Variants in TM2D1 observed in about 807,000 individuals in gnomAD.
The protein encoded by TM2D1 is TM2 domain-containing protein 1.
Under a neutral mutation model 28.4 loss-of-function variants are expected in TM2D1, and 15 were observed. That is an observed-to-expected ratio of 0.53 (90% CI 0.35 to 0.81). The LOEUF (loss-of-function observed/expected upper bound fraction) is 0.81. Ranked by LOEUF, TM2D1 falls within the 40% of genes least tolerant of loss-of-function variation. The pLI is 0.01. For missense variants in TM2D1, 236 were observed against 254.9 expected, an observed-to-expected ratio of 0.93 and a Z score of 0.50; for synonymous variants, 93 against 96.2, an observed-to-expected ratio of 0.97 and a Z score of 0.20.
At chr1:61,683,011 T>G (rs1049086451) in intron 6 of TM2D1, among the ~76,000 whole-genome samples, 1 of 152,156 alleles carries the variant, frequency 6.6e-6, no homozygotes, top group African/African-American at 2.4e-5. Context: ...TTGGACTCTT[T>G]CAGTATCTAT....
intron 2 of TM2D1, among the ~76,000 whole-genome samples, chr1:61,713,213 C>T (rs924719142): frequency 6.6e-6 from 1 of 151,812 alleles, no homozygotes; most frequent in African/African-American, 2.4e-5. Flanking sequence ...TGCAGCGGCT[C>T]ATGCCTGTAA....
At chr1:61,694,545 A>G (rs1644350663) in intron 5 of TM2D1, 152 bp downstream of exon 5, 2 of 471,806 alleles carry the variant, frequency 4.2e-6, no homozygotes, top group Non-Finnish European at 7.5e-6. Context: ...TGGAAACATG[A>G]CCAGGATTCC....
At chr1:61,715,934 T>G (rs113580203) in intron 2 of TM2D1, among the ~76,000 whole-genome samples, 1 of 150,732 alleles carries the variant, frequency 6.6e-6, no homozygotes, top group African/African-American at 2.4e-5. Context: ...CCCGAGTAGC[T>G]GGGACTACAG....
intron 2 of TM2D1, among the ~76,000 whole-genome samples, chr1:61,713,159 G>C (rs1209122074): frequency 1.5e-5 from 2 of 137,360 alleles, no homozygotes; most frequent in Non-Finnish European, 1.5e-5. Context: ...GATAGAATGA[G>C]ACTCCACCTC....
chr1:61,719,741 T>C (rs1644548918), intron 2 of TM2D1, among the ~76,000 whole-genome samples: 1 of 152,024 alleles, frequency 6.6e-6, no homozygotes, highest in Admixed American at 6.6e-5. Context: ...GTGACCCACC[T>C]GCCTCGGCCT....
At chr1:61,699,353 A>G (rs1644386536) in intron 4 of TM2D1, 1 of 152,194 alleles carries the variant, frequency 6.6e-6, no homozygotes, top group Admixed American at 6.5e-5. Flanking sequence ...TCACACAAAA[A>G]AAAAAGAAAG....
intron 3 of TM2D1, among the ~76,000 whole-genome samples, chr1:61,702,962 C>T (rs139883568): frequency 0.11 from 16,095 of 150,936 alleles, 1,159 homozygotes; most frequent in Non-Finnish European, 0.16. Context: ...AAAAATTAGC[C>T]GGGCGTGGTG....
intron 3 of TM2D1, among the ~76,000 whole-genome samples, chr1:61,703,271 T>C (rs1203588826): frequency 6.8e-6 from 1 of 147,108 alleles, no homozygotes; most frequent in African/African-American, 2.5e-5. Flanking sequence ...AATTATATTT[T>C]ATATATTATA....
chr1:61,707,445 C>A (rs17122686), intron 3 of TM2D1, among the ~76,000 whole-genome samples: 1,730 of 152,198 alleles, frequency 0.011, 26 homozygotes, highest in African/African-American at 0.039. Context: ...CTGTTCTCAA[C>A]AGATGATTTT....
intron 5 of TM2D1, 198 bp from the exon 6 acceptor site, chr1:61,683,744 A>G: frequency 5.7e-6 from 2 of 348,114 alleles, no homozygotes; most frequent in Non-Finnish European, 1.0e-5. Flanking sequence ...CAAAGGATCA[A>G]AAGAAAAGCT....
chr1:61,713,298 T>C (rs1427116361), intron 2 of TM2D1, among the ~76,000 whole-genome samples: 4 of 151,574 alleles, frequency 2.6e-5, no homozygotes, highest in African/African-American at 9.7e-5. Flanking sequence ...GCCAACATGG[T>C]GAAACCCATC....
At chr1:61,691,932 A>AAAAAAAAAAATATATATAT in intron 5 of TM2D1, among the ~76,000 whole-genome samples, 11 of 76,400 alleles carry the variant, frequency 1.4e-4, no homozygotes, top group East Asian at 1.4e-3. Flanking sequence ...AAAAAAAAAA[A>AAAAAAAAAAATATATATAT]ATATATATAT....
intron 6 of TM2D1, 37 bp downstream of exon 6, chr1:61,683,380 C>T (rs1644261220): frequency 3.1e-6 from 2 of 643,364 alleles, no homozygotes; most frequent in Non-Finnish European, 4.7e-6. Flanking sequence ...AATAATATAC[C>T]ACTATAAGAT....
intron 5 of TM2D1, among the ~76,000 whole-genome samples, chr1:61,692,389 A>C (rs1378030997): frequency 6.6e-6 from 1 of 152,052 alleles, no homozygotes; most frequent in Non-Finnish European, 1.5e-5. Context: ...TCACAGTCCA[A>C]CAGAAACACA....
chr1:61,702,119 G>A (rs904294127), intron 3 of TM2D1, among the ~76,000 whole-genome samples: 2 of 151,940 alleles, frequency 1.3e-5, no homozygotes, highest in Admixed American at 6.6e-5. Context: ...GAACCCAGGA[G>A]GTGGAGGTTG....
chr1:61,687,466 A>C (rs1314459927), intron 5 of TM2D1, among the ~76,000 whole-genome samples: 1 of 152,192 alleles, frequency 6.6e-6, no homozygotes, highest in Non-Finnish European at 1.5e-5. Context: ...TTGTAGTATT[A>C]ATGTTTGCAA....
chr1:61,691,932 A>AAAATATATATAT, intron 5 of TM2D1, among the ~76,000 whole-genome samples: 22 of 76,400 alleles, frequency 2.9e-4, no homozygotes, highest in East Asian at 4.7e-4. Flanking sequence ...AAAAAAAAAA[A>AAAATATATATAT]ATATATATAT....
intron 2 of TM2D1, among the ~76,000 whole-genome samples, chr1:61,720,150 G>C (rs751526862): frequency 1.3e-5 from 2 of 152,120 alleles, no homozygotes; most frequent in Non-Finnish European, 2.9e-5. Flanking sequence ...AAATTTTCTG[G>C]AAGTGAAATC....
intron 1 of TM2D1, 147 bp downstream of exon 1, chr1:61,724,810 C>G: frequency 1.1e-6 from 1 of 916,598 alleles, no homozygotes; most frequent in South Asian, 2.9e-5. Context: ...ACTCTGTTCA[C>G]CTTCAGGGAT....
Sources: gnomAD v4.1 joint callset for allele counts (sites outside exome capture counted in the v4.1 genomes callset) on GRCh38, gnomAD v4.1.1 for gene constraint, MANE v1.5 for transcripts, NCBI Gene and HGNC (gene_info 2026-07-23, HGNC 2026-07-21) for gene names.